Variants in TARS2 observed in about 807,000 individuals in gnomAD.
The protein encoded by TARS2 is threonine--tRNA ligase, mitochondrial.
In TARS2, 61 loss-of-function variants were observed where a neutral mutation model predicts 94.4. That is an observed-to-expected ratio of 0.65 (90% CI 0.53 to 0.80). The LOEUF (loss-of-function observed/expected upper bound fraction) is 0.80, where lower values mean the gene tolerates loss of function less well. Among genes scored for constraint, TARS2 ranks in the 30% least tolerant of loss-of-function variants. The probability of loss-of-function intolerance (pLI) is 0.00; values close to 1 mark genes in which losing one functional copy is unlikely to be tolerated. For missense variants in TARS2, 704 were observed against 902.5 expected (o/e 0.78, Z 2.82); for synonymous variants, 359 against 353.4 (o/e 1.02, Z -0.18).
At chr1:150,505,404 T>C (rs1670157336) in intron 16 of TARS2, among the ~76,000 whole-genome samples, 187 bp from the exon 17 acceptor site, 1 of 151,736 alleles carries the variant, frequency 6.6e-6, no homozygotes, top group Non-Finnish European at 1.5e-5. Flanking sequence ...ATTGTGGGGT[T>C]GGGGATGAAT....
rs587771882 is a variant in TARS2 at position 150,498,229 on chromosome 1, C to T, written c.1239-273C>T. On this transcript the variant is annotated intron_variant, in intron 10 of 17. Transcript: ENST00000369064. Reference sequence around the variant, plus strand: ...TTAGGTCTCAGTCTCCTTAAAGTTGCTATCTAAGGCTCCTCCTTCAGCTCA... The same window carrying T: ...TTAGGTCTCAGTCTCCTTAAAGTTGTTATCTAAGGCTCCTCCTTCAGCTCA... 4.6e-5 allele frequency among the ~76,000 whole-genome samples: 7 copies of T among 152,244 alleles called. No homozygotes were observed. In the South Asian group the frequency reaches 1.5e-3, roughly 32 times the overall value.
intron 13 of TARS2, among the ~76,000 whole-genome samples, chr1:150,503,633 G>GTGTGTATACA (rs1386474527): frequency 2.2e-5 from 2 of 89,204 alleles, no homozygotes; most frequent in African/African-American, 7.6e-5. Flanking sequence ...GTGTATATAT[G>GTGTGTATACA]TGTGTGTATA....
intron 17 of TARS2, among the ~76,000 whole-genome samples, 185 bp downstream of exon 17, chr1:150,505,890 A>G (rs961074305): frequency 4.6e-5 from 7 of 152,182 alleles, no homozygotes; most frequent in African/African-American, 1.4e-4. Flanking sequence ...TGCCCTCCCC[A>G]TAACCACTTC....
intron 9 of TARS2, 54 bp downstream of exon 9, chr1:150,496,962 G>A (rs1669691701): frequency 6.4e-7 from 1 of 1,559,466 alleles, no homozygotes; most frequent in East Asian, 2.3e-5. Flanking sequence ...TGAGGGACTA[G>A]AAGAAGCTAA....
chr1:150,502,734 G>T (rs1669981773), intron 13 of TARS2, among the ~76,000 whole-genome samples: 1 of 151,864 alleles, frequency 6.6e-6, no homozygotes, highest in African/African-American at 2.4e-5. Flanking sequence ...ACTGTGTTGG[G>T]GTCTTTTATT....
At chr1:150,494,390 AAGAT>A (rs1669551167) in intron 7 of TARS2, among the ~76,000 whole-genome samples, 1 of 145,628 alleles carries the variant, frequency 6.9e-6, no homozygotes, top group Non-Finnish European at 1.5e-5. Flanking sequence ...AAAAAAAAAA[AAGAT>A]AATGAAAACC....
intron 9 of TARS2, 109 bp from the exon 10 acceptor site, chr1:150,497,421 G>A: frequency 2.1e-6 from 2 of 945,778 alleles, no homozygotes; most frequent in Non-Finnish European, 3.3e-6. Context: ...TTAATAGGTT[G>A]TGGTTGCAAT....
intron 17 of TARS2, 39 bp downstream of exon 17, chr1:150,505,744 G>A (rs758816715): frequency 2.9e-5 from 45 of 1,573,150 alleles, no homozygotes; most frequent in Admixed American, 7.0e-5. Flanking sequence ...CCCACCTGCC[G>A]TCTGCATTCT....
intron 13 of TARS2, among the ~76,000 whole-genome samples, chr1:150,501,904 TATTTA>T (rs1669938983): frequency 6.6e-6 from 1 of 152,062 alleles, no homozygotes. Flanking sequence ...TGTTTTGTTT[TATTTA>T]TTTATTTTTA....
intron 13 of TARS2, among the ~76,000 whole-genome samples, chr1:150,500,190 C>T (rs7553647): frequency 0.61 from 91,893 of 151,380 alleles, 28,420 homozygotes; most frequent in African/African-American, 0.67. Context: ...AAAAAAGAAG[C>T]CAAGGGGAAA....
intron 3 of TARS2, 137 bp downstream of exon 3, chr1:150,489,224 C>A (rs755543295): frequency 6.1e-6 from 8 of 1,318,196 alleles, no homozygotes; most frequent in Non-Finnish European, 7.6e-6. Flanking sequence ...ACTGTCTTGA[C>A]TATTTCTGGT....
In TARS2 at chr1:150,499,229, C is replaced by G; in HGVS notation, c.1553C>G (p.Ala518Gly). The change falls in exon 13 of 18, where the codon GCC becomes GGC. Residue 518 changes from alanine to glycine, a missense_variant. Coordinates refer to ENST00000369064, the MANE Select transcript of TARS2 (RefSeq NM_025150.5). ...WDQAEQVLKQ[A>G]LKEFGEPWDL... ...ATTCCTTCAAAGGTCCTTAAACAGG[C>G]CCTGAAGGAATTTGGAGAACCCTGG... 1 of 1,614,096 alleles carries G rather than the reference C, an allele frequency of 6.2e-7. No homozygotes were observed. The highest frequency in any genetic ancestry group is 2.2e-5 in the East Asian group (1 of 44,886).
chr1:150,494,908 G>A (rs941037056), intron 7 of TARS2, among the ~76,000 whole-genome samples: 6 of 152,166 alleles, frequency 3.9e-5, no homozygotes, highest in African/African-American at 7.2e-5. Context: ...GTGGCCGGGC[G>A]CAGTGGCTCA....
In TARS2 at chr1:150,491,446, A is replaced by G. The variant is rs1553903522; in HGVS notation, c.565A>G (p.Thr189Ala). ...PVLERICQELTAAARPFRRLE... is the reference protein window; with the variant it reads ...PVLERICQELAAAARPFRRLE... ...TTTGGAGCGGATTTGCCAGGAACTT[A>G]CAGCTGCTGCTCGACCCTTCCGGAG... Residue 189 changes from threonine (T) to alanine (A), a missense_variant, in exon 5 of 18, where the codon ACA becomes GCA. Thr to Ala is a moderately conservative substitution (Grantham distance 58). Transcript: ENST00000369064. 1 of 1,613,912 alleles carries G rather than the reference A, an allele frequency of 6.2e-7. No homozygotes were observed. The highest frequency in any genetic ancestry group is 8.5e-7 in the Non-Finnish European group (1 of 1,180,046).
Position 150,496,489 on chromosome 1 carries a change from C to T in TARS2, c.782C>T (p.Ser261Leu). Residue 261 changes from serine to leucine, a missense_variant, in exon 8 of 18, where the codon TCA becomes TTA. Around this residue, in one of 3 missense-constraint regions of TARS2, gnomAD observed 466 missense variants for 609.5 expected, o/e 0.76. Transcript: ENST00000369064. ...CCCTATGTCCTCACACAGAACTCAT[C>T]ATCCTTATGGAGGTCTTCAGGGGCC... ...IGGLKLLSNS[S>L]SLWRSSGAPE... 6.2e-7 allele frequency: 1 copy of T among 1,612,362 alleles called. No homozygotes were observed. Among genetic ancestry groups the T allele is most frequent in the Non-Finnish European group, 8.5e-7 (1 of 1,178,912 alleles).
rs781522599 is a variant in TARS2, at chr1:150,489,193, T to TG, written c.387+109dup. On this transcript the variant is annotated intron_variant, in intron 3 of 17. Transcript: ENST00000369064. ...TTGCCGCAGTTTCTCCATTTGCAGTTGGGAGGGAGACCTACCACAGACTGT... is the reference window on the plus strand; with the variant it reads ...TTGCCGCAGTTTCTCCATTTGCAGTTGGGGAGGGAGACCTACCACAGACTGT... 2.2e-5 allele frequency: 34 copies of TG among 1,541,150 alleles called. No homozygotes were observed. The African/African-American group carries it at 4.0e-4, about 18-fold the overall frequency.
chr1:150,506,798 C>G, intron 17 of TARS2, 118 bp from the exon 18 acceptor site: 1 of 1,338,150 alleles, frequency 7.5e-7, no homozygotes, highest in Non-Finnish European at 1.0e-6. Flanking sequence ...TGAACCATAT[C>G]TGGGCTCTGC....
chr1:150,501,300 AAATTTTTTTT>A (rs1669901888), intron 13 of TARS2, among the ~76,000 whole-genome samples: 4 of 72,904 alleles, frequency 5.5e-5, no homozygotes, highest in African/African-American at 1.9e-4. Context: ...CTACAAAAAA[AAATTTTTTTT>A]TTTTTTTTTT....
chr1:150,504,392 C>A lies in TARS2; in HGVS notation c.1675C>A (p.Leu559Ile). 1 of 1,614,116 alleles carries A rather than the reference C, an allele frequency of 6.2e-7. No individual in the cohort carries two copies. Among genetic ancestry groups the A allele is most frequent in the Non-Finnish European group, 8.5e-7 (1 of 1,180,026 alleles). ...GCCACATCAGTGTGGGACAATTCAGCTTGACTTCCAACTGCCCCTGAGATT... is the reference window on the plus strand; with the variant it reads ...GCCACATCAGTGTGGGACAATTCAGATTGACTTCCAACTGCCCCTGAGATT... ...GRPHQCGTIQ[L>I]DFQLPLRFDL... is the part of the protein sequence containing the mutation. The change falls in exon 14 of 18, where the codon CTT (leucine) becomes ATT (isoleucine). Residue 559 changes from leucine (L) to isoleucine (I), a missense_variant. Leu to Ile is a conservative substitution (Grantham distance 5, BLOSUM62 2). Transcript: ENST00000369064.
Sources: gnomAD v4.1 joint callset for allele counts (sites outside exome capture counted in the v4.1 genomes callset) on GRCh38, gnomAD v4.1.1 for gene constraint, gnomAD v4.1.1 regional missense constraint, MANE v1.5 for transcripts, NCBI Gene and HGNC (gene_info 2026-07-23, HGNC 2026-07-21) for gene names.